The following PHLPP1 variants were observed in gnomAD, a reference collection of about 807,000 sequenced individuals.
PHLPP1 encodes PH domain leucine-rich repeat-containing protein phosphatase 1.
Under a neutral mutation model 117.2 loss-of-function variants are expected in PHLPP1, and 42 were observed. The ratio of observed to expected loss-of-function variants is 0.36; its 90% CI spans 0.28 to 0.46. The LOEUF is 0.46. Among genes scored for constraint, PHLPP1 ranks in the 20% least tolerant of loss-of-function variants. PHLPP1 has a pLI of 1.00. For missense variants in PHLPP1, 2,084 were observed against 2,241.9 expected (o/e 0.93, Z 1.42); for synonymous variants, 1,042 against 970.7 (o/e 1.07, Z -1.37).
At chr18:62,771,733 C>T (rs567371852) in intron 1 of PHLPP1, among the ~76,000 whole-genome samples, 276 of 152,294 alleles carry the variant, frequency 1.8e-3, no homozygotes, top group African/African-American at 6.5e-3. Context: ...GTCGTTAACA[C>T]TGGTTTTGAT....
At position 62,958,610 on chromosome 18, in the gene PHLPP1, G is replaced by A. The variant is rs370867403; in HGVS notation, c.3325-19G>A. 1 of 1,613,344 alleles carries A rather than the reference G, an allele frequency of 6.2e-7. No individual in the cohort carries two copies. The highest frequency in any genetic ancestry group is 1.1e-5 in the South Asian group (1 of 91,064). On this transcript the variant is annotated intron_variant, in intron 12 of 16. Coordinates refer to ENST00000262719, the MANE Select transcript of PHLPP1 (RefSeq NM_194449.4). ...TCTCTAGACCATCTCTTTCTTGTTTGCACTTGTTCTTTTTTCAGTGTGTGG... is the reference window on the plus strand; with the variant it reads ...TCTCTAGACCATCTCTTTCTTGTTTACACTTGTTCTTTTTTCAGTGTGTGG...
intron 1 of PHLPP1, among the ~76,000 whole-genome samples, chr18:62,807,553 G>A (rs542985075): frequency 6.0e-4 from 91 of 152,156 alleles, no homozygotes; most frequent in Non-Finnish European, 1.0e-3. Flanking sequence ...TGTGCCATTA[G>A]GCAATTTTGT....
chr18:62,929,928 G>A (rs1490403027), intron 10 of PHLPP1, among the ~76,000 whole-genome samples: 1 of 152,148 alleles, frequency 6.6e-6, no homozygotes, highest in African/African-American at 2.4e-5. Flanking sequence ...CTGCACTCTA[G>A]CCTGAGTGAC....
rs1191098894 is a variant in PHLPP1 at position 62,974,102 on chromosome 18, C to T, written c.3756-1295C>T. 4.6e-5 allele frequency among the ~76,000 whole-genome samples: 7 copies of T among 152,320 alleles called. No individual in the cohort carries two copies. In the South Asian group the frequency reaches 1.2e-3, roughly 27 times the overall value. On this transcript the variant is annotated intron_variant, in intron 15 of 16. Coordinates refer to ENST00000262719, the MANE Select transcript of PHLPP1 (RefSeq NM_194449.4). The stretch of plus-strand genomic sequence containing the variant: ...AAAAGGTCTGCTTTTTATGCACCCT[C>T]AAGCACTGGGTAAGAATTAAAAACT...
At chr18:62,773,800 A>G (rs190800921) in intron 1 of PHLPP1, among the ~76,000 whole-genome samples, 233 of 152,354 alleles carry the variant, frequency 1.5e-3, no homozygotes, top group Non-Finnish European at 1.4e-3. Flanking sequence ...TATAAACAAC[A>G]TAATTGATTT....
At chr18:62,853,723 C>T (rs900702745) in intron 3 of PHLPP1, among the ~76,000 whole-genome samples, 1 of 152,244 alleles carries the variant, frequency 6.6e-6, no homozygotes, top group African/African-American at 2.4e-5. Flanking sequence ...TTACCTTCAA[C>T]TGATCACAAC....
chr18:62,940,359 T>C (rs1174275852), intron 10 of PHLPP1, among the ~76,000 whole-genome samples: 7 of 115,772 alleles, frequency 6.0e-5, no homozygotes, highest in South Asian at 3.4e-4. Context: ...CTTTTCTTTT[T>C]TTTTTTTTTT....
rs763536706 is a variant in PHLPP1 at position 62,716,736 on chromosome 18, T to C, written c.1053T>C (p.Ser351=). The change falls in exon 1 of 17, where the codon AGT becomes AGC. Residue 351 remains serine (S), a synonymous_variant. Coordinates refer to ENST00000262719, the MANE Select transcript of PHLPP1 (RefSeq NM_194449.4). This position sits in a 1 kb window ranked among gnomAD's most constrained non-coding sequence, Gnocchi z 5.7. ...TGGTCTCCGACACCGAGAGCTTCAG[T>C]CTGAGTCCCAGCGCCGAGAGCGTGT... ...RPVVSDTESF[S]LSPSAESVSD... 2 of 1,511,708 alleles carry C rather than the reference T, an allele frequency of 1.3e-6. No individual in the cohort carries two copies. Among genetic ancestry groups the C allele is most frequent in the South Asian group, 2.5e-5 (2 of 81,614 alleles). The allele number at this position is 1,511,708 out of a possible 1,614,324, so 93.6% of individuals were successfully genotyped here.
intron 13 of PHLPP1, among the ~76,000 whole-genome samples, chr18:62,961,596 T>C (rs927180940): frequency 2.6e-5 from 4 of 152,230 alleles, no homozygotes; most frequent in Non-Finnish European, 4.4e-5. Context: ...AGGATATGTC[T>C]TAAGAAACCT....
intron 1 of PHLPP1, among the ~76,000 whole-genome samples, chr18:62,785,346 G>C (rs1215882206): frequency 6.6e-6 from 1 of 152,206 alleles, no homozygotes; most frequent in Non-Finnish European, 1.5e-5. Flanking sequence ...GGAAAGGAGA[G>C]AGTACTGTTT....
chr18:62,941,788 A>G lies in PHLPP1; in HGVS notation c.3031A>G (p.Asn1011Asp), dbSNP rs769856887. The G allele has an allele frequency of 1.9e-6, 3 of 1,613,848 alleles. No homozygotes were observed. In the Admixed American group the frequency reaches 5.0e-5, roughly 27 times the overall value. The part of the protein sequence containing the change: ...LPPATLSEET[N>D]SILQELYLTN... ...TCCAGCCACGCTTTCCGAAGAGACA[A>G]ACAGTATCTTACAAGAGTTGTATTT... Residue 1011 changes from asparagine to aspartate, a missense_variant, in exon 11 of 17, where the codon AAC becomes GAC. By Grantham distance (23) the Asn-to-Asp change is conservative (BLOSUM62 1). Around this residue, in one of 2 missense-constraint regions of PHLPP1, gnomAD observed 1,365 missense variants for 1,605.9 expected, o/e 0.85. Coordinates refer to ENST00000262719, the MANE Select transcript of PHLPP1 (RefSeq NM_194449.4).
At chr18:62,765,930 G>A (rs889198214) in intron 1 of PHLPP1, among the ~76,000 whole-genome samples, 1 of 150,078 alleles carries the variant, frequency 6.7e-6, no homozygotes, top group Non-Finnish European at 1.5e-5. Context: ...CCTGGGAGGC[G>A]GAACTTGCAG....
intron 14 of PHLPP1, among the ~76,000 whole-genome samples, chr18:62,963,893 A>G (rs190052566): frequency 6.6e-5 from 10 of 152,322 alleles, no homozygotes; most frequent in East Asian, 3.9e-4. Context: ...GTTATTGACT[A>G]TGGAGCTGTT....
At chr18:62,923,068 G>A (rs1309817042) in intron 10 of PHLPP1, among the ~76,000 whole-genome samples, 1 of 152,236 alleles carries the variant, frequency 6.6e-6, no homozygotes, top group East Asian at 1.9e-4. Context: ...AACTGAGCCA[G>A]TGGAAGGACA....
chr18:62,946,742 T>C (rs1910298896), intron 12 of PHLPP1, among the ~76,000 whole-genome samples: 1 of 152,198 alleles, frequency 6.6e-6, no homozygotes, highest in Non-Finnish European at 1.5e-5. Context: ...AGTGGCATTT[T>C]AAGATGTTTG....
chr18:62,838,653 C>T (rs761919087), intron 2 of PHLPP1, 131 bp from the exon 3 acceptor site: 2 of 792,014 alleles, frequency 2.5e-6, no homozygotes, highest in East Asian at 2.5e-5. Flanking sequence ...ACTTAGTTCT[C>T]ATTAATGAGT....
At chr18:62,879,236 G>A (rs970461890) in intron 4 of PHLPP1, among the ~76,000 whole-genome samples, 1 of 152,140 alleles carries the variant, frequency 6.6e-6, no homozygotes, top group Non-Finnish European at 1.5e-5. Context: ...ATTATCAAAG[G>A]GCCTGAGGCT....
intron 12 of PHLPP1, among the ~76,000 whole-genome samples, chr18:62,947,135 G>A (rs149193071): frequency 8.1e-4 from 124 of 152,308 alleles, no homozygotes; most frequent in African/African-American, 2.7e-3. Flanking sequence ...AGGAAGAGCC[G>A]TGCTCTGAAG....
At chr18:62,744,045 G>GT (rs1390967179) in intron 1 of PHLPP1, among the ~76,000 whole-genome samples, 1 of 152,222 alleles carries the variant, frequency 6.6e-6, no homozygotes, top group African/African-American at 2.4e-5. Flanking sequence ...TGGCTCACAG[G>GT]TGTGTTTTGT....
Sources: gnomAD v4.1 joint callset for allele counts (sites outside exome capture counted in the v4.1 genomes callset) on GRCh38, gnomAD v4.1.1 for gene constraint, gnomAD v4.1.1 regional missense constraint, Gnocchi (gnomAD v3.1) non-coding constraint, MANE v1.5 for transcripts, NCBI Gene and HGNC (gene_info 2026-07-23, HGNC 2026-07-21) for gene names.